ANK2: variants seen among roughly 807,000 people sequenced by gnomAD.
ANK2 encodes ankyrin-2.
A neutral mutation model predicts 360.5 loss-of-function variants in ANK2; 83 were observed. The observed-to-expected ratio is 0.23, with a 90% CI of 0.19 to 0.28. The LOEUF (loss-of-function observed/expected upper bound fraction) is 0.28, where lower values mean the gene tolerates loss of function less well. Among genes scored for constraint, ANK2 ranks in the 10% least tolerant of loss-of-function variants. ANK2 has a pLI of 1.00. For missense variants in ANK2, 4,201 were observed against 4,795.7 expected, an observed-to-expected ratio of 0.88 and a Z score of 3.66; for synonymous variants, 1,740 against 1,759.5, an observed-to-expected ratio of 0.99 and a Z score of 0.28.
chr4:113,235,005 C>G (rs1457007847), intron 5 of ANK2, among the ~76,000 whole-genome samples: 1 of 152,148 alleles, frequency 6.6e-6, no homozygotes, highest in Non-Finnish European at 1.5e-5. Context: ...AGTTCTCAGT[C>G]TCTCCAGTAC....
chr4:113,150,629 C>T (rs2097031792), intron 1 of ANK2, among the ~76,000 whole-genome samples: 1 of 152,090 alleles, frequency 6.6e-6, no homozygotes, highest in South Asian at 2.1e-4. Context: ...GTTCCCATGT[C>T]CTGAGAAAGC....
intron 37 of ANK2, among the ~76,000 whole-genome samples, chr4:113,352,610 T>C (rs112061035): frequency 0.014 from 2,073 of 152,294 alleles, 43 homozygotes; most frequent in African/African-American, 0.04. Context: ...CTGCAATTTC[T>C]AATGCTTTTT....
intron 4 of ANK2, among the ~76,000 whole-genome samples, chr4:113,229,689 T>C (rs1286011586): frequency 6.6e-6 from 1 of 152,050 alleles, no homozygotes; most frequent in Non-Finnish European, 1.5e-5. Context: ...AGCTGTGGGA[T>C]CATGGTGAGC....
chr4:112,787,992 C>T, the ANK2 span: 1 of 684,816 alleles, frequency 1.5e-6, no homozygotes. Flanking sequence ...TTACAGAGGA[C>T]ACATATTATG....
chr4:112,873,807 G>T (rs2074094849), intron 1 of ANK2, among the ~76,000 whole-genome samples: 1 of 151,854 alleles, frequency 6.6e-6, no homozygotes, highest in Non-Finnish European at 1.5e-5. Context: ...CTCCCAAAGT[G>T]CTGGGATTAC....
rs754030532 is a variant in ANK2, at chr4:113,354,396, G to T, written c.5778G>T (p.Pro1926=). ...CCTCCGGGAGGACAGAAAAACACCC[G>T]CCAGTATCGCCTGGGAGAACAGAAA... ...VSPSGRTEKH[P]PVSPGRTEKR... The change falls in exon 38 of 46, where the codon CCG becomes CCT. Residue 1926 remains proline, a synonymous_variant. Coordinates refer to ENST00000357077, the MANE Select transcript of ANK2 (RefSeq NM_001148.6). 6.2e-6 allele frequency: 10 copies of T among 1,613,866 alleles called. No individual in the cohort carries two copies. The highest frequency in any genetic ancestry group is 1.7e-5 in the Admixed American group (1 of 59,986).
At chr4:113,369,879 G>A (rs995789897) in intron 43 of ANK2, 74 bp downstream of exon 43, 3 of 1,600,258 alleles carry the variant, frequency 1.9e-6, no homozygotes, top group Non-Finnish European at 2.6e-6. Context: ...TTTCTATGAT[G>A]GTTTATTTTT....
intron 13 of ANK2, among the ~76,000 whole-genome samples, chr4:113,261,349 A>G (rs2052795593): frequency 6.6e-6 from 1 of 152,204 alleles, no homozygotes; most frequent in African/African-American, 2.4e-5. Flanking sequence ...GAAAGAATGC[A>G]AGGTCTTACA....
At chr4:113,227,724 T>G (rs2099242536) in intron 4 of ANK2, among the ~76,000 whole-genome samples, 1 of 152,190 alleles carries the variant, frequency 6.6e-6, no homozygotes, top group Non-Finnish European at 1.5e-5. Flanking sequence ...CACTCCCAGA[T>G]CACTTATTAG....
intron 1 of ANK2, among the ~76,000 whole-genome samples, chr4:112,849,954 AC>A (rs1277873005): frequency 1.3e-5 from 2 of 152,186 alleles, no homozygotes; most frequent in Non-Finnish European, 2.9e-5. Context: ...CCTGAATAGA[AC>A]AAAAAGGTGA....
chr4:112,850,734 T>C (rs933472418), intron 1 of ANK2, among the ~76,000 whole-genome samples: 1 of 151,504 alleles, frequency 6.6e-6, no homozygotes, highest in African/African-American at 2.4e-5. Flanking sequence ...GCCAGGATGA[T>C]CTCGATCTCC....
intron 4 of ANK2, among the ~76,000 whole-genome samples, chr4:113,231,617 T>TG (rs2099308093): frequency 6.6e-6 from 1 of 152,060 alleles, no homozygotes; most frequent in Non-Finnish European, 1.5e-5. Flanking sequence ...GATTTTTTTT[T>TG]TTTTTTGAGA....
At chr4:112,745,553 G>A in the ANK2 span, among the ~76,000 whole-genome samples, 1 of 105,776 alleles carries the variant, frequency 9.5e-6, no homozygotes, top group Non-Finnish European at 1.8e-5. Flanking sequence ...TTTTTTTTGA[G>A]ACAGAGTTTC....
At chr4:113,326,078 G>A (rs747766025) in intron 26 of ANK2, among the ~76,000 whole-genome samples, 1 of 152,128 alleles carries the variant, frequency 6.6e-6, no homozygotes, top group East Asian at 1.9e-4. Context: ...CTCATCTCGC[G>A]ACTCACACCT....
chr4:113,060,464 T>C (rs913899956), intron 1 of ANK2, among the ~76,000 whole-genome samples: 1 of 152,036 alleles, frequency 6.6e-6, no homozygotes, highest in Non-Finnish European at 1.5e-5. Context: ...AAAAAACCCT[T>C]CCTGCTTGAA....
intron 26 of ANK2, among the ~76,000 whole-genome samples, chr4:113,323,522 G>C (rs1168906716): frequency 1.3e-5 from 2 of 152,096 alleles, no homozygotes; most frequent in Non-Finnish European, 2.9e-5. Flanking sequence ...ATAAGCCAAT[G>C]TTGACCAAGG....
chr4:112,970,889 A>G (rs2154266098), intron 2 of ANK2, among the ~76,000 whole-genome samples: 1 of 152,324 alleles, frequency 6.6e-6, no homozygotes, highest in East Asian at 1.9e-4. Context: ...GGTAATGCAT[A>G]TGTCAATTAG....
intron 4 of ANK2, among the ~76,000 whole-genome samples, chr4:113,205,834 T>C (rs1051135414): frequency 6.6e-6 from 1 of 152,204 alleles, no homozygotes; most frequent in African/African-American, 2.4e-5. Flanking sequence ...GCATGCCCAT[T>C]ACCTTGAATT....
At chr4:113,143,550 A>G (rs2096720858) in intron 1 of ANK2, among the ~76,000 whole-genome samples, 1 of 152,210 alleles carries the variant, frequency 6.6e-6, no homozygotes, top group Admixed American at 6.5e-5. Context: ...TGAAGATTCT[A>G]TTGAATGTTT....
Sources: gnomAD v4.1 joint callset for allele counts (sites outside exome capture counted in the v4.1 genomes callset) on GRCh38, gnomAD v4.1.1 for gene constraint, MANE v1.5 for transcripts, NCBI Gene and HGNC (gene_info 2026-07-23, HGNC 2026-07-21) for gene names.